Variants in HIBCH observed in about 807,000 individuals in gnomAD.
HIBCH encodes the protein 3-hydroxyisobutyryl-CoA hydrolase.
In HIBCH, 50 loss-of-function variants were observed where a neutral mutation model predicts 58.2. The ratio of observed to expected loss-of-function variants is 0.86; its 90% confidence interval spans 0.68 to 1.09. The LOEUF (loss-of-function observed/expected upper bound fraction) is 1.09, where lower values mean the gene tolerates loss of function less well. Among genes scored for constraint, HIBCH ranks in the 50% least tolerant of loss-of-function variants. The pLI is 0.00. For missense variants in HIBCH, 450 were observed against 449.7 expected, an observed-to-expected ratio of 1.00 and a Z score of -0.01; for synonymous variants, 151 against 146.9, an observed-to-expected ratio of 1.03 and a Z score of -0.20.
Position 190,243,266 on chromosome 2 carries a change from C to G in HIBCH, c.891+1621G>C, listed in dbSNP as rs1454790801. On this transcript the variant is annotated intron_variant, in intron 11 of 13. Transcript: ENST00000359678. The surrounding 1 kb of genome is among the most constrained non-coding windows in gnomAD (Gnocchi z 4.1). The stretch of plus-strand genomic sequence containing the variant: ...CTAGCCTCCCAGCCTGTATCTTTCT[C>G]CCATGCTGGATGCTTCCTGCCCTTG... Among the ~76,000 whole-genome samples the G allele has an allele frequency of 6.6e-6, 1 of 152,174 alleles. No individual in the cohort carries two copies. The highest frequency in any genetic ancestry group is 1.5e-5 in the Non-Finnish European group (1 of 68,028).
At position 190,313,274 on chromosome 2, in the gene HIBCH, G is replaced by A. The variant is rs1688607419; in HGVS notation, c.36-2478C>T. On this transcript the variant is annotated intron_variant, in intron 1 of 13. Transcript: ENST00000359678. ...TATTGCTTCCTTAAACCTTTCATAAGCAACTTCTTTGTTCTTCCCTACACT... is the reference window on the plus strand; with the variant it reads ...TATTGCTTCCTTAAACCTTTCATAAACAACTTCTTTGTTCTTCCCTACACT... Among the ~76,000 whole-genome samples, 3 of 151,708 alleles carry A rather than the reference G, an allele frequency of 2.0e-5. No individual in the cohort carries two copies. In the South Asian group the frequency reaches 6.3e-4, roughly 32 times the overall value.
intron 11 of HIBCH, among the ~76,000 whole-genome samples, chr2:190,228,637 G>A (rs1320149207): frequency 6.6e-6 from 1 of 152,050 alleles, no homozygotes; most frequent in Non-Finnish European, 1.5e-5. Context: ...CAAGAAATGT[G>A]TATTGATATA....
rs987708050 is a variant in HIBCH, at chr2:190,215,784, G to C, written c.892-2709C>G. ...GTTAAGCTGCTGACCCTGAAGGCAA[G>C]GGAAAGCCTGGTGCACAGCTGTGTG... is the stretch of plus-strand genomic sequence containing the variant. On this transcript the variant is annotated intron_variant, in intron 11 of 13. Coordinates refer to ENST00000359678, the MANE Select transcript of HIBCH (RefSeq NM_014362.4). This position sits in a 1 kb window ranked among gnomAD's most constrained non-coding sequence, Gnocchi z 4.4. 6.6e-6 allele frequency: 1 copy of C among 152,438 alleles called. No homozygotes were observed. The highest frequency in any genetic ancestry group is 2.4e-5 in the African/African-American group (1 of 41,460). The allele number at this position is 152,438 out of a possible 1,614,324, so 9.4% of individuals were successfully genotyped here. A position where few individuals can be genotyped will look rare whatever the true frequency, so the allele number is the denominator to read the frequency against.
At chr2:190,196,440 T>C (rs1300549004) in intron 1 of HIBCH, among the ~76,000 whole-genome samples, 1 of 152,088 alleles carries the variant, frequency 6.6e-6, no homozygotes, top group Non-Finnish European at 1.5e-5. Flanking sequence ...TTTTGTTCAC[T>C]AGTTTTTCCT....
rs1414795504 is a variant in HIBCH, at chr2:190,207,240, A to T, written c.1045+1640T>A. ...AAAATAACAGTATTTATCTAAAAAC[A>T]GTATCTTTCTTTTTAAAGAAGGGCT... is the stretch of plus-strand genomic sequence containing the variant. On this transcript the variant is annotated intron_variant, in intron 13 of 13. Transcript: ENST00000359678. This position sits in a 1 kb window ranked among gnomAD's most constrained non-coding sequence, Gnocchi z 4.5. Among the ~76,000 whole-genome samples, 1 of 152,224 alleles carries T rather than the reference A, an allele frequency of 6.6e-6. No individual in the cohort carries two copies. Among genetic ancestry groups the T allele is most frequent in the Non-Finnish European group, 1.5e-5 (1 of 68,030 alleles).
rs150304786 is a variant in HIBCH at position 190,278,353 on chromosome 2, C to T, written c.438+9233G>A. 4.1e-3 allele frequency among the ~76,000 whole-genome samples: 630 copies of T among 152,176 alleles called. 8 individuals carry two copies. The highest frequency in any genetic ancestry group is 0.031 in the Middle Eastern group (9 of 294). On this transcript the variant is annotated intron_variant, in intron 6 of 13. Transcript: ENST00000359678. ...TGGAGTAGCTGGGATTACAGGCCCC[C>T]GCCACCACATCCAGCTAATTTTGTA...
chr2:190,294,806 T>C (rs1688062365), intron 3 of HIBCH, among the ~76,000 whole-genome samples, 176 bp from the exon 4 acceptor site: 1 of 152,208 alleles, frequency 6.6e-6, no homozygotes, highest in African/African-American at 2.4e-5. Context: ...CCTTATCAAA[T>C]GAACTTCATA....
rs562621044 is a variant in HIBCH, at chr2:190,307,470, G to A, written c.78+3284C>T. ...GAAGATCATTTGTGCCCAGAGGTTC[G>A]AGGCCAGTCTGGGCAACACAGAAAC... On this transcript the variant is annotated intron_variant, in intron 2 of 13. Transcript: ENST00000359678. Among the ~76,000 whole-genome samples, 12 of 152,212 alleles carry A rather than the reference G, an allele frequency of 7.9e-5. No individual in the cohort carries two copies. In the South Asian group the frequency reaches 2.3e-3, roughly 29 times the overall value.
In HIBCH at chr2:190,304,304, T is replaced by G. The variant is rs1448660182; in HGVS notation, c.78+6450A>C. ...TCTTTTCCTTAGTTATGGAGGCTGATGTCCAAAGTCAAAAGGATACATCTA... is the reference window on the plus strand; with the variant it reads ...TCTTTTCCTTAGTTATGGAGGCTGAGGTCCAAAGTCAAAAGGATACATCTA... On this transcript the variant is annotated intron_variant, in intron 2 of 13. Transcript: ENST00000359678. The surrounding 1 kb of genome is among the most constrained non-coding windows in gnomAD (Gnocchi z 4.1). Among the ~76,000 whole-genome samples, 1 of 151,694 alleles carries G rather than the reference T, an allele frequency of 6.6e-6. No homozygotes were observed. Among genetic ancestry groups the G allele is most frequent in the Non-Finnish European group, 1.5e-5 (1 of 67,952 alleles).
At chr2:190,273,737 G>A (rs777237230) in intron 6 of HIBCH, among the ~76,000 whole-genome samples, 4 of 151,974 alleles carry the variant, frequency 2.6e-5, no homozygotes, top group Admixed American at 6.6e-5. Context: ...ACATAGGTGG[G>A]TGGGAAGAAG....
rs1385702497 is a variant in HIBCH, at chr2:190,204,769, C to T, written c.*348G>A. On this transcript the variant is annotated 3_prime_UTR_variant, in exon 14 of 14. Coordinates refer to ENST00000359678, the MANE Select transcript of HIBCH (RefSeq NM_014362.4). ...AATCTCCAAAGATCTTCACATTTTT[C>T]CATCTTCTAAAACAAGGATTGACAA... 1 of 247,950 alleles carries T rather than the reference C, an allele frequency of 4.0e-6. No individual in the cohort carries two copies. The highest frequency in any genetic ancestry group is 7.9e-6 in the Non-Finnish European group (1 of 126,694). The allele number at this position is 247,950 out of a possible 1,614,324, so 15.4% of individuals were successfully genotyped here. A position where few individuals can be genotyped will look rare whatever the true frequency, so the allele number is the denominator to read the frequency against.
intron 6 of HIBCH, among the ~76,000 whole-genome samples, chr2:190,264,845 C>T (rs1227906334): frequency 6.6e-6 from 1 of 152,020 alleles, no homozygotes; most frequent in Non-Finnish European, 1.5e-5. Context: ...CAGCCAGGTA[C>T]AGTGGCTCAC....
intron 11 of HIBCH, among the ~76,000 whole-genome samples, chr2:190,228,273 T>C (rs900089974): frequency 2.6e-5 from 4 of 151,810 alleles, no homozygotes; most frequent in African/African-American, 7.3e-5. Context: ...AAGCTGGAAA[T>C]CATCATTCTC....
Position 190,314,370 on chromosome 2 carries a change from CGTATATATGTGTATATATAT to C in HIBCH, c.36-3594_36-3575del, listed in dbSNP as rs1559068627. On this transcript the variant is annotated intron_variant, in intron 1 of 13. Transcript: ENST00000359678. ...ATGTGTATATATACGTATATATATA[CGTATATATGTGTATATATAT>C]GTATATATATACGTATATATGTGTA... is the stretch of plus-strand genomic sequence containing the variant. 4.1e-4 allele frequency among the ~76,000 whole-genome samples: 34 copies of C among 83,716 alleles called. 2 individuals carry two copies. The highest frequency in any genetic ancestry group is 1.3e-3 in the African/African-American group (28 of 22,376). The allele number at this position is 83,716 out of a possible 152,430, so 54.9% of individuals were successfully genotyped here. A position where few individuals can be genotyped will look rare whatever the true frequency, so the allele number is the denominator to read the frequency against.
chr2:190,291,517 T>C (rs138269202), intron 4 of HIBCH, among the ~76,000 whole-genome samples: 2 of 151,472 alleles, frequency 1.3e-5, no homozygotes, highest in Non-Finnish European at 2.9e-5. Context: ...GAAAGAAGAG[T>C]AAAATCAAGA....
Position 190,246,060 on chromosome 2 carries a change from A to G in HIBCH, c.809+94T>C, listed in dbSNP as rs1686597337. 5.3e-6 allele frequency: 4 copies of G among 761,884 alleles called. No individual in the cohort carries two copies. In the East Asian group the frequency reaches 1.1e-4, roughly 20 times the overall value. The allele number at this position is 761,884 out of a possible 1,614,324, so 47.2% of individuals were successfully genotyped here. On this transcript the variant is annotated intron_variant, in intron 10 of 13. Transcript: ENST00000359678. The stretch of plus-strand genomic sequence containing the variant: ...CTCAGAATTCAGTGCACTATCAAAC[A>G]CAATGTAATTAAAATGGTAATTATA...
rs1419466005 is a variant in HIBCH at position 190,319,790 on chromosome 2, T to C, written c.-40A>G. ...AAGCTAAAGCAGCAGAGCGAGAATC[T>C]CCCGGACCGTTCCAGCGCCTCGCGT... On this transcript the variant is annotated 5_prime_UTR_variant, in exon 1 of 14. Coordinates refer to ENST00000359678, the MANE Select transcript of HIBCH (RefSeq NM_014362.4). 1.9e-6 allele frequency: 3 copies of C among 1,598,412 alleles called. No homozygotes were observed. The highest frequency in any genetic ancestry group is 2.2e-5 in the East Asian group (1 of 44,532).
rs1687642675 is a variant in HIBCH at position 190,279,317 on chromosome 2, A to G, written c.438+8269T>C. Among the ~76,000 whole-genome samples the G allele has an allele frequency of 6.6e-6, 1 of 152,160 alleles. No homozygotes were observed. The highest frequency in any genetic ancestry group is 2.4e-5 in the African/African-American group (1 of 41,436). On this transcript the variant is annotated intron_variant, in intron 6 of 13. Transcript: ENST00000359678. The surrounding 1 kb of genome is among the most constrained non-coding windows in gnomAD (Gnocchi z 4.2). ...AGTTTCAACATGAGTTTCGGTGGGGACAAATATTCAAACCGTAGCATTCCA... is the reference window on the plus strand; with the variant it reads ...AGTTTCAACATGAGTTTCGGTGGGGGCAAATATTCAAACCGTAGCATTCCA...
At chr2:190,203,725 G>T (rs1008477555), downstream of HIBCH, among the ~76,000 whole-genome samples, 2 of 152,054 alleles carry the variant, frequency 1.3e-5, no homozygotes, top group African/African-American at 4.8e-5. Flanking sequence ...TTATTTGAAA[G>T]AAAAATGCTT....
Sources: allele counts gnomAD v4.1 joint callset (sites outside exome capture counted in the v4.1 genomes callset), GRCh38; gene constraint gnomAD v4.1.1; non-coding constraint Gnocchi (gnomAD v3.1); transcripts MANE v1.5; gene names NCBI Gene and HGNC (gene_info 2026-07-23, HGNC 2026-07-21).